The following ZNF33B variants were observed in gnomAD, a reference collection of about 807,000 sequenced individuals.
ZNF33B encodes zinc finger protein 11b (KOX 2).
A neutral mutation model predicts 45.8 loss-of-function variants in ZNF33B; 29 were observed. The observed-to-expected ratio is 0.63, with a 90% confidence interval of 0.47 to 0.86. The LOEUF (loss-of-function observed/expected upper bound fraction) is 0.86. Ranked by LOEUF, ZNF33B falls within the 40% of genes least tolerant of loss-of-function variation. ZNF33B has a pLI of 0.00. For missense variants in ZNF33B, 831 were observed against 909.9 expected (o/e 0.91, Z 1.12); for synonymous variants, 305 against 307.8 (o/e 0.99, Z 0.10).
intron 4 of ZNF33B, chr10:42,631,680 T>C (rs1839059462): frequency 2.6e-6 from 1 of 385,830 alleles, no homozygotes; most frequent in African/African-American, 2.1e-5. Context: ...AAAGTTGAGG[T>C]GGGCAAAGAC....
At chr10:42,630,098 G>A (rs1838984050) in intron 4 of ZNF33B, among the ~76,000 whole-genome samples, 1 of 151,994 alleles carries the variant, frequency 6.6e-6, no homozygotes, top group South Asian at 2.1e-4. Context: ...TTTCTTTCCT[G>A]CATCCCAAGC....
rs369324432 is a variant in ZNF33B at position 42,594,130 on chromosome 10, G to C, written c.820C>G (p.His274Asp). The C allele has an allele frequency of 6.2e-7, 1 of 1,613,832 alleles. No homozygotes were observed. Among genetic ancestry groups the C allele is most frequent in the Non-Finnish European group, 8.5e-7 (1 of 1,179,958 alleles). Residue 274 changes from histidine to aspartate, a missense_variant, in exon 5 of 5, where the codon CAC (histidine) becomes GAC (aspartate). By Grantham distance (81) the His-to-Asp change is moderately conservative (BLOSUM62 -1). Transcript: ENST00000359467. ...TTCTCACAATCACTAAATTCATAGT[G>C]ACTGTCCTTTGATGGAGGTATCTGA... is the stretch of plus-strand genomic sequence containing the variant. ...FHQIPPSKDS[H>D]YEFSDCEKFL...
At chr10:42,600,961 G>C (rs1837594154) in intron 4 of ZNF33B, among the ~76,000 whole-genome samples, 1 of 152,158 alleles carries the variant, frequency 6.6e-6, no homozygotes, top group African/African-American at 2.4e-5. Context: ...TCAGACATCA[G>C]AACATGTCTT....
chr10:42,581,787 C>G (rs981224205), intron 1 of ZNF33B: 2 of 152,158 alleles, frequency 1.3e-5, no homozygotes, highest in Non-Finnish European at 2.9e-5. Context: ...TGTGAGTTAT[C>G]AAGTCCCCAC....
intron 2 of ZNF33B, among the ~76,000 whole-genome samples, chr10:42,636,671 T>C (rs1210210922): frequency 6.6e-5 from 10 of 152,012 alleles, no homozygotes. Flanking sequence ...ATGCAAAAAA[T>C]TAGCCAGGCG....
intron 4 of ZNF33B, among the ~76,000 whole-genome samples, chr10:42,625,032 C>CGT (rs1838740445): frequency 2.4e-5 from 2 of 82,782 alleles, no homozygotes; most frequent in East Asian, 5.7e-4. Flanking sequence ...AAAATTGTTT[C>CGT]ATATTTTATA....
intron 4 of ZNF33B, among the ~76,000 whole-genome samples, chr10:42,601,080 TGA>T (rs1041355036): frequency 6.6e-6 from 1 of 151,752 alleles, no homozygotes; most frequent in African/African-American, 2.4e-5. Flanking sequence ...AACTCTACAT[TGA>T]GATTTTTGCT....
chr10:42,599,042 T>C (rs1205996334), intron 4 of ZNF33B, among the ~76,000 whole-genome samples: 1 of 152,230 alleles, frequency 6.6e-6, no homozygotes, highest in African/African-American at 2.4e-5. Flanking sequence ...TATCTATTTG[T>C]TTTGGAGCAA....
chr10:42,583,908 G>A (rs1836875376), intron 1 of ZNF33B, among the ~76,000 whole-genome samples: 1 of 152,188 alleles, frequency 6.6e-6, no homozygotes, highest in African/African-American at 2.4e-5. Context: ...TCAGCCCCCA[G>A]GCCAGAGCAG....
intron 4 of ZNF33B, among the ~76,000 whole-genome samples, chr10:42,628,247 C>A (rs1294844994): frequency 1.3e-5 from 2 of 152,290 alleles, no homozygotes; most frequent in African/African-American, 4.8e-5. Context: ...AACTCCTGAC[C>A]TCAAGCAATC....
rs148878644 is a variant in ZNF33B, at chr10:42,638,275, G to A, written c.-45+199C>T. 4.9e-3 allele frequency among the ~76,000 whole-genome samples: 745 copies of A among 152,370 alleles called. 1 individual carries two copies. The highest frequency in any genetic ancestry group is 8.3e-3 in the Non-Finnish European group (566 of 68,036). Reference sequence around the variant, plus strand: ...CTACAAACAGGGCAACGCACAGGGCGTAGCCCGCTCCCTACAGAGGCTGCG... The same window carrying A: ...CTACAAACAGGGCAACGCACAGGGCATAGCCCGCTCCCTACAGAGGCTGCG... On this transcript the variant is annotated intron_variant, in intron 1 of 4. Transcript: ENST00000359467.
chr10:42,581,859 A>T (rs988334009), intron 1 of ZNF33B: 2 of 152,212 alleles, frequency 1.3e-5, no homozygotes, highest in African/African-American at 4.8e-5. Flanking sequence ...TCACGCCTGT[A>T]ATCTCAGCAC....
intron 4 of ZNF33B, among the ~76,000 whole-genome samples, chr10:42,603,824 G>A (rs115617277): frequency 6.6e-6 from 1 of 152,204 alleles, no homozygotes; most frequent in African/African-American, 2.4e-5. Context: ...CCACTGCCAT[G>A]CTAAAGATAG....
chr10:42,583,400 C>T, intron 1 of ZNF33B: 1 of 339,964 alleles, frequency 2.9e-6, no homozygotes, highest in Non-Finnish European at 5.8e-6. Flanking sequence ...GTCTGTGGTG[C>T]ACAATTTGTC....
chr10:42,594,743 A>T (rs1472057069), intron 4 of ZNF33B, 44 bp from the exon 5 acceptor site: 3 of 1,508,566 alleles, frequency 2.0e-6, no homozygotes, highest in Middle Eastern at 2.5e-4. Context: ...ATACCAAAAC[A>T]TCTCTTAGGG....
intron 4 of ZNF33B, among the ~76,000 whole-genome samples, chr10:42,595,367 T>C (rs963853075): frequency 5.9e-5 from 9 of 152,214 alleles, no homozygotes; most frequent in African/African-American, 2.2e-4. Context: ...TTGGATTGTA[T>C]GTAAACTAAA....
At chr10:42,612,026 GAGA>G (rs1298168114) in intron 4 of ZNF33B, among the ~76,000 whole-genome samples, 11 of 152,016 alleles carry the variant, frequency 7.2e-5, no homozygotes, top group Non-Finnish European at 5.9e-5. Context: ...TTATCTTAGG[GAGA>G]AAGTATCCAG....
chr10:42,580,013 C>A (rs2132012891), intron 1 of ZNF33B, among the ~76,000 whole-genome samples: 1 of 152,292 alleles, frequency 6.6e-6, no homozygotes, highest in African/African-American at 2.4e-5. Context: ...CTGGTGTATT[C>A]ACTGATGGAG....
intron 4 of ZNF33B, among the ~76,000 whole-genome samples, chr10:42,602,751 C>T (rs1837680095): frequency 6.6e-6 from 1 of 152,138 alleles, no homozygotes; most frequent in African/African-American, 2.4e-5. Context: ...TGAGTTTTTC[C>T]ACGCTGGCTG....
Sources: gnomAD v4.1 joint callset for allele counts (sites outside exome capture counted in the v4.1 genomes callset) on GRCh38, gnomAD v4.1.1 for gene constraint, MANE v1.5 for transcripts, NCBI Gene and HGNC (gene_info 2026-07-23, HGNC 2026-07-21) for gene names.